The following DPYSL5 variants were observed in gnomAD, a reference collection of about 807,000 sequenced individuals.
The protein encoded by DPYSL5 is dihydropyrimidinase-related protein 5.
DPYSL5 carries 9 observed loss-of-function variants against 58.4 expected under a neutral mutation model. That is an observed-to-expected ratio of 0.15 (90% CI 0.09 to 0.27). The LOEUF is 0.27. Ranked by LOEUF, DPYSL5 falls within the 10% of genes least tolerant of loss-of-function variation. The probability of loss-of-function intolerance (pLI) is 1.00; values close to 1 mark genes in which losing one functional copy is unlikely to be tolerated. For synonymous variants in DPYSL5, 293 were observed against 301.9 expected, an observed-to-expected ratio of 0.97 and a Z score of 0.31; for missense variants, 499 against 770.6, an observed-to-expected ratio of 0.65 and a Z score of 4.17.
At chr2:26,879,071 G>A (rs1167641643) in intron 1 of DPYSL5, among the ~76,000 whole-genome samples, 1 of 152,160 alleles carries the variant, frequency 6.6e-6, no homozygotes, top group African/African-American at 2.4e-5. Flanking sequence ...AGTTGGTTGA[G>A]TATCTGGCAC....
chr2:26,933,811 A>G lies in DPYSL5; in HGVS notation c.790+478A>G, dbSNP rs1665098436. ...GTGTATGAGTCCGAGGGGCACTTGT[A>G]TGGCTTCTGTTGCGGATCGCCTGGC... On this transcript the variant is annotated intron_variant, in intron 7 of 12. Coordinates refer to ENST00000288699, the MANE Select transcript of DPYSL5 (RefSeq NM_020134.4). This position sits in a 1 kb window ranked among gnomAD's most constrained non-coding sequence, Gnocchi z 4.2. 6.6e-6 allele frequency among the ~76,000 whole-genome samples: 1 copy of G among 152,030 alleles called. No homozygotes were observed. The highest frequency in any genetic ancestry group is 1.5e-5 in the Non-Finnish European group (1 of 68,000).
At chr2:26,922,763 A>G (rs1046136084) in intron 2 of DPYSL5, among the ~76,000 whole-genome samples, 8 of 152,232 alleles carry the variant, frequency 5.3e-5, no homozygotes, top group Non-Finnish European at 7.3e-5. Flanking sequence ...GTGAGGATGA[A>G]TCAGCCTGGC....
chr2:26,918,524 T>C (rs1050668694), intron 2 of DPYSL5, among the ~76,000 whole-genome samples: 9 of 152,178 alleles, frequency 5.9e-5, no homozygotes, highest in South Asian at 2.1e-4. Flanking sequence ...AGATGGAAGA[T>C]AATTTTAATG....
intron 5 of DPYSL5, among the ~76,000 whole-genome samples, chr2:26,931,367 G>A (rs1170853311): frequency 6.6e-6 from 1 of 151,368 alleles, no homozygotes; most frequent in Non-Finnish European, 1.5e-5. Flanking sequence ...CAGAAAACAA[G>A]GAGAGACATG....
At chr2:26,928,704 T>TACACACACACACACACACACACACACAC (rs1553320464) in intron 5 of DPYSL5, among the ~76,000 whole-genome samples, 41 of 62,990 alleles carry the variant, frequency 6.5e-4, no homozygotes, top group East Asian at 2.5e-3. Context: ...TATATATATA[T>TACACACACACACACACACACACACACAC]ACACACACAC....
chr2:26,943,190 G>C (rs1218295943), intron 11 of DPYSL5, among the ~76,000 whole-genome samples: 1 of 152,140 alleles, frequency 6.6e-6, no homozygotes, highest in East Asian at 1.9e-4. Context: ...GGAGGAGCAG[G>C]CACCTGAACA....
intron 1 of DPYSL5, among the ~76,000 whole-genome samples, chr2:26,896,901 T>G (rs930875997): frequency 6.6e-6 from 1 of 152,250 alleles, no homozygotes. Context: ...CATTTGTCTA[T>G]CTTTACTTTT....
rs1665405503 is a variant in DPYSL5, at chr2:26,944,253, C to A, written c.1441-403C>A. On this transcript the variant is annotated intron_variant, in intron 11 of 12. Transcript: ENST00000288699. The surrounding 1 kb of genome is among the most constrained non-coding windows in gnomAD (Gnocchi z 4.4). ...TGAGCCAAGATCGCACCACTGCACT[C>A]CAGCATGGGCGACAGAGTGAGACTC... Among the ~76,000 whole-genome samples the A allele has an allele frequency of 6.6e-6, 1 of 152,036 alleles. No individual in the cohort carries two copies. The highest frequency in any genetic ancestry group is 2.1e-4 in the South Asian group (1 of 4,812).
intron 1 of DPYSL5, among the ~76,000 whole-genome samples, chr2:26,887,820 C>T (rs1157881727): frequency 6.6e-6 from 1 of 152,214 alleles, no homozygotes; most frequent in Non-Finnish European, 1.5e-5. Flanking sequence ...CCCAAGTTCT[C>T]TATCCCAGCT....
At chr2:26,850,124 G>A (rs1665714346) in intron 1 of DPYSL5, among the ~76,000 whole-genome samples, 1 of 152,258 alleles carries the variant, frequency 6.6e-6, no homozygotes, top group Admixed American at 6.5e-5. Flanking sequence ...TGGTCAAATT[G>A]CGGAGAAGCG....
At chr2:26,921,761 G>C (rs188573543) in intron 2 of DPYSL5, among the ~76,000 whole-genome samples, 2 of 152,068 alleles carry the variant, frequency 1.3e-5, no homozygotes, top group East Asian at 3.9e-4. Flanking sequence ...GGGTAACAGC[G>C]GTAATAATTA....
chr2:26,849,013 C>T lies in DPYSL5; in HGVS notation c.-5+759C>T, dbSNP rs2148097538. ...GGCTGTAGTCTGAGCTGGAGAGAAG[C>T]CGGGAGAGGGCGAGGGGAGGCCTCG... On this transcript the variant is annotated intron_variant, in intron 1 of 12. Coordinates refer to ENST00000288699, the MANE Select transcript of DPYSL5 (RefSeq NM_020134.4). The surrounding 1 kb of genome is among the most constrained non-coding windows in gnomAD (Gnocchi z 6.2). Among the ~76,000 whole-genome samples the T allele has an allele frequency of 6.6e-6, 1 of 152,060 alleles. No individual in the cohort carries two copies. Among genetic ancestry groups the T allele is most frequent in the South Asian group, 2.1e-4 (1 of 4,814 alleles).
Position 26,934,469 on chromosome 2 carries a change from C to G in DPYSL5, c.791-109C>G, listed in dbSNP as rs2148168840. On this transcript the variant is annotated intron_variant, in intron 7 of 12. Transcript: ENST00000288699. This position sits in a 1 kb window ranked among gnomAD's most constrained non-coding sequence, Gnocchi z 4.3. The stretch of plus-strand genomic sequence containing the variant: ...AAGCCCTGTGAGCTTGGGCAGGTCC[C>G]TTCCTGTCTCTGACCTCAGCTCCTT... The G allele has an allele frequency of 2.2e-6, 3 of 1,377,062 alleles. No homozygotes were observed. The highest frequency in any genetic ancestry group is 2.7e-4 in the Middle Eastern group (1 of 3,752). 85.3% of individuals were successfully genotyped at this position (1,377,062 alleles called of 1,614,324 possible).
At position 26,898,577 on chromosome 2, in the gene DPYSL5, T is replaced by C. The variant is rs1452631747; in HGVS notation, c.78T>C (p.Ala26=). ...KVVNDDCTHE[A]DVYIENGIIQ... is the part of the protein sequence containing the mutation. Reference sequence around the variant, plus strand: ...TGAACGATGACTGCACCCACGAGGCTGACGTCTACATCGAGAATGGCATCA... The same window carrying C: ...TGAACGATGACTGCACCCACGAGGCCGACGTCTACATCGAGAATGGCATCA... Residue 26 remains alanine, a synonymous_variant, in exon 2 of 13, where the codon GCT becomes GCC. Coordinates refer to ENST00000288699, the MANE Select transcript of DPYSL5 (RefSeq NM_020134.4). This position sits in a 1 kb window ranked among gnomAD's most constrained non-coding sequence, Gnocchi z 6.1. The C allele has an allele frequency of 6.2e-7, 1 of 1,614,218 alleles. No individual in the cohort carries two copies. The highest frequency in any genetic ancestry group is 2.2e-5 in the East Asian group (1 of 44,886).
intron 1 of DPYSL5, among the ~76,000 whole-genome samples, chr2:26,856,038 A>G (rs1665869363): frequency 1.3e-5 from 2 of 152,304 alleles, no homozygotes; most frequent in South Asian, 4.1e-4. Flanking sequence ...CACATACATG[A>G]AACAGTCACT....
chr2:26,941,385 A>T (rs777296500), intron 9 of DPYSL5, among the ~76,000 whole-genome samples: 1 of 152,224 alleles, frequency 6.6e-6, no homozygotes, highest in Non-Finnish European at 1.5e-5. Flanking sequence ...CTTCATTTGA[A>T]TACCACCTGT....
intron 1 of DPYSL5, among the ~76,000 whole-genome samples, chr2:26,892,817 T>A (rs1224920630): frequency 2.1e-5 from 3 of 145,762 alleles, no homozygotes; most frequent in African/African-American, 5.0e-5. Context: ...CTTCTGGGCT[T>A]CCTGTGGCCA....
chr2:26,906,782 A>G (rs1016790056), intron 2 of DPYSL5, among the ~76,000 whole-genome samples: 2 of 152,158 alleles, frequency 1.3e-5, no homozygotes, highest in African/African-American at 4.8e-5. Context: ...TATTTTAGAG[A>G]TAGAATCTGG....
intron 1 of DPYSL5, among the ~76,000 whole-genome samples, chr2:26,889,560 G>C (rs1282810662): frequency 6.6e-6 from 1 of 151,946 alleles, no homozygotes; most frequent in Non-Finnish European, 1.5e-5. Flanking sequence ...GTGAGCCACC[G>C]CGCCCGGCCT....
Sources: gnomAD v4.1 joint callset for allele counts (sites outside exome capture counted in the v4.1 genomes callset) on GRCh38, gnomAD v4.1.1 for gene constraint, Gnocchi (gnomAD v3.1) non-coding constraint, MANE v1.5 for transcripts, NCBI Gene and HGNC (gene_info 2026-07-23, HGNC 2026-07-21) for gene names.